ZCCHC7: variants seen among roughly 807,000 people sequenced by gnomAD.
ZCCHC7 encodes the protein zinc finger CCHC domain-containing protein 7.
A neutral mutation model predicts 52.0 loss-of-function variants in ZCCHC7; 35 were observed. The observed-to-expected ratio is 0.67, with a 90% CI of 0.51 to 0.89. The LOEUF (loss-of-function observed/expected upper bound fraction) is 0.89, where lower values mean the gene tolerates loss of function less well. ZCCHC7 is among the 40% of genes least tolerant of loss of function. The pLI, the probability that ZCCHC7 is intolerant of heterozygous loss-of-function variation, is 0.00. For missense variants in ZCCHC7, 574 were observed against 649.1 expected (o/e 0.88, Z 1.26); for synonymous variants, 217 against 221.5 (o/e 0.98, Z 0.18).
chr9:37,346,819 T>G (rs1200172586), intron 6 of ZCCHC7, among the ~76,000 whole-genome samples: 2 of 151,958 alleles, frequency 1.3e-5, no homozygotes, highest in African/African-American at 4.8e-5. Flanking sequence ...CTACCAAAAA[T>G]TTAAAAAACA....
At chr9:37,202,317 C>T (rs925433928) in intron 2 of ZCCHC7, among the ~76,000 whole-genome samples, 4 of 152,150 alleles carry the variant, frequency 2.6e-5, no homozygotes, top group African/African-American at 7.2e-5. Flanking sequence ...GTTACCTCTT[C>T]TAGGAACCTG....
At chr9:37,162,632 T>C (rs1286200458) in intron 2 of ZCCHC7, among the ~76,000 whole-genome samples, 1 of 152,248 alleles carries the variant, frequency 6.6e-6, no homozygotes, top group Non-Finnish European at 1.5e-5. Flanking sequence ...TTGATGGACA[T>C]TTGAATTCCA....
intron 2 of ZCCHC7, among the ~76,000 whole-genome samples, chr9:37,183,151 T>C (rs533585640): frequency 6.6e-6 from 1 of 152,244 alleles, no homozygotes; most frequent in Non-Finnish European, 1.5e-5. Flanking sequence ...TTGGCACTTT[T>C]AGATTAAAAA....
At chr9:37,244,600 T>A (rs1826006388) in intron 2 of ZCCHC7, among the ~76,000 whole-genome samples, 1 of 151,912 alleles carries the variant, frequency 6.6e-6, no homozygotes, top group Admixed American at 6.6e-5. Flanking sequence ...TAATAATGAA[T>A]TATTTTTGCC....
chr9:37,325,034 T>A (rs1830185730), intron 5 of ZCCHC7, among the ~76,000 whole-genome samples: 1 of 152,208 alleles, frequency 6.6e-6, no homozygotes, highest in Admixed American at 6.5e-5. Context: ...CCTGATAAAA[T>A]TCAATATGGG....
chr9:37,169,763 C>T (rs1821627574), intron 2 of ZCCHC7, among the ~76,000 whole-genome samples: 1 of 151,990 alleles, frequency 6.6e-6, no homozygotes, highest in Non-Finnish European at 1.5e-5. Context: ...TTGCTATGTT[C>T]CTTTTGAAAA....
chr9:37,188,306 CCTGA>C (rs950826147), intron 2 of ZCCHC7, among the ~76,000 whole-genome samples: 14 of 152,118 alleles, frequency 9.2e-5, no homozygotes, highest in African/African-American at 3.1e-4. Context: ...TGCCATCATG[CCTGA>C]CTAATTTTTT....
chr9:37,221,488 G>A (rs533996277), intron 2 of ZCCHC7, among the ~76,000 whole-genome samples: 62 of 152,116 alleles, frequency 4.1e-4, no homozygotes, highest in Non-Finnish European at 7.6e-4. Flanking sequence ...AATATTTAAG[G>A]CAAGGATAGT....
intron 2 of ZCCHC7, among the ~76,000 whole-genome samples, chr9:37,239,569 A>G (rs964922302): frequency 5.9e-5 from 9 of 152,146 alleles, no homozygotes; most frequent in Admixed American, 4.6e-4. Flanking sequence ...AACAGCAGGT[A>G]TATCTCAGCT....
At chr9:37,161,306 G>C (rs1276147230) in intron 2 of ZCCHC7, among the ~76,000 whole-genome samples, 4 of 152,114 alleles carry the variant, frequency 2.6e-5, no homozygotes, top group Non-Finnish European at 5.9e-5. Flanking sequence ...TGGGCGCGGT[G>C]GCTCACACCT....
chr9:37,320,647 ATAGT>A (rs1247577545), intron 5 of ZCCHC7, among the ~76,000 whole-genome samples: 1 of 152,176 alleles, frequency 6.6e-6, no homozygotes, highest in Non-Finnish European at 1.5e-5. Flanking sequence ...TGTTCTCTAC[ATAGT>A]TAGATTTATG....
chr9:37,239,843 A>G (rs1224246186), intron 2 of ZCCHC7, among the ~76,000 whole-genome samples: 1 of 152,108 alleles, frequency 6.6e-6, no homozygotes, highest in Non-Finnish European at 1.5e-5. Context: ...TTAATTCAGG[A>G]TGAGATTGGT....
chr9:37,305,349 A>ACTAAGC (rs1443297818), intron 4 of ZCCHC7, among the ~76,000 whole-genome samples, 195 bp from the exon 5 acceptor site: 1 of 152,222 alleles, frequency 6.6e-6, no homozygotes, highest in Non-Finnish European at 1.5e-5. Context: ...GTATGTACAG[A>ACTAAGC]CTAAGCCTTT....
intron 2 of ZCCHC7, among the ~76,000 whole-genome samples, chr9:37,246,806 T>C (rs1216373503): frequency 6.6e-6 from 1 of 152,156 alleles, no homozygotes; most frequent in Non-Finnish European, 1.5e-5. Flanking sequence ...GGAGCATCCA[T>C]AGATTTTGGT....
chr9:37,134,559 A>G (rs1261662799), intron 2 of ZCCHC7, among the ~76,000 whole-genome samples: 1 of 152,234 alleles, frequency 6.6e-6, no homozygotes, highest in East Asian at 1.9e-4. Context: ...CAAATCAGCA[A>G]AACATGATAA....
At chr9:37,269,618 CAAAAAAAAAAAAAA>C (rs1170865355) in intron 2 of ZCCHC7, among the ~76,000 whole-genome samples, 137 of 27,234 alleles carry the variant, frequency 5.0e-3, no homozygotes, top group Admixed American at 0.018. Flanking sequence ...GACTCTGTCT[CAAAAAAAAAAAAAA>C]AAAAAAAAAA....
At chr9:37,309,269 A>T (rs897589356) in intron 5 of ZCCHC7, among the ~76,000 whole-genome samples, 2 of 152,154 alleles carry the variant, frequency 1.3e-5, no homozygotes, top group African/African-American at 4.8e-5. Flanking sequence ...CTTCATGAGA[A>T]TTCACATGGA....
intron 2 of ZCCHC7, among the ~76,000 whole-genome samples, chr9:37,248,573 G>A (rs1283754455): frequency 6.6e-6 from 1 of 152,134 alleles, no homozygotes; most frequent in Non-Finnish European, 1.5e-5. Flanking sequence ...TAAGTACTTA[G>A]AAGCTCTTAG....
chr9:37,322,135 A>G (rs916835178), intron 5 of ZCCHC7: 1 of 152,082 alleles, frequency 6.6e-6, no homozygotes, highest in African/African-American at 2.4e-5. Flanking sequence ...AGGAAGTAAG[A>G]CCTCTCTTCC....
Sources: gnomAD v4.1 joint callset for allele counts (sites outside exome capture counted in the v4.1 genomes callset) on GRCh38, gnomAD v4.1.1 for gene constraint, MANE v1.5 for transcripts, NCBI Gene and HGNC (gene_info 2026-07-23, HGNC 2026-07-21) for gene names.